FBXO36: variants seen among roughly 807,000 people sequenced by gnomAD.
The protein encoded by FBXO36 is F-box only protein 36.
In FBXO36, 18 loss-of-function variants were observed where a neutral mutation model predicts 17.0. The observed-to-expected ratio is 1.06, with a 90% confidence interval of 0.73 to 1.57. The LOEUF is 1.57. Ranked by LOEUF, FBXO36 falls within the 40% of genes most tolerant of loss-of-function variation. The pLI, the probability that FBXO36 is intolerant of heterozygous loss-of-function variation, is 0.00. For missense variants in FBXO36, 229 were observed against 221.9 expected (o/e 1.03, Z -0.20); for synonymous variants, 83 against 85.3 (o/e 0.97, Z 0.15).
At chr2:229,952,972 C>T (rs535236237) in intron 1 of FBXO36, among the ~76,000 whole-genome samples, 4 of 151,630 alleles carry the variant, frequency 2.6e-5, no homozygotes, top group African/African-American at 7.2e-5. Flanking sequence ...AACATTTTCT[C>T]GGGTTGGGAT....
chr2:229,954,542 C>CTTTTTT (rs1176794800), intron 1 of FBXO36, among the ~76,000 whole-genome samples: 4 of 78,802 alleles, frequency 5.1e-5, no homozygotes, highest in Non-Finnish European at 5.0e-5. Flanking sequence ...TGCACCCGGC[C>CTTTTTT]TTTTTTTTTT....
intron 2 of FBXO36, among the ~76,000 whole-genome samples, chr2:229,985,843 G>T (rs542786469): frequency 6.6e-6 from 1 of 152,044 alleles, no homozygotes; most frequent in Non-Finnish European, 1.5e-5. Context: ...GAGCCCAGGG[G>T]TTCAAGACCA....
At chr2:229,933,405 T>TACAC (rs554448744) in intron 1 of FBXO36, among the ~76,000 whole-genome samples, 2 of 151,964 alleles carry the variant, frequency 1.3e-5, no homozygotes, top group African/African-American at 4.8e-5. Context: ...CTCTCTCATA[T>TACAC]ACACACACAC....
intron 1 of FBXO36, among the ~76,000 whole-genome samples, chr2:229,946,319 A>G (rs2077027063): frequency 2.0e-5 from 3 of 152,184 alleles, no homozygotes; most frequent in Admixed American, 1.3e-4. Flanking sequence ...TGTCACCTCT[A>G]TCCTTCATTC....
intron 2 of FBXO36, among the ~76,000 whole-genome samples, chr2:229,987,676 G>T (rs1256203786): frequency 1.3e-5 from 2 of 151,638 alleles, no homozygotes; most frequent in African/African-American, 4.8e-5. Flanking sequence ...TGTCATCCAG[G>T]CTGGAGTGCA....
intron 2 of FBXO36, among the ~76,000 whole-genome samples, chr2:229,983,896 C>T (rs2077253723): frequency 6.6e-6 from 1 of 152,108 alleles, no homozygotes; most frequent in South Asian, 2.1e-4. Flanking sequence ...ATTTGCCTGG[C>T]ACATAATAAG....
At chr2:229,985,891 TA>T (rs1163265041) in intron 2 of FBXO36, among the ~76,000 whole-genome samples, 4 of 151,470 alleles carry the variant, frequency 2.6e-5, no homozygotes. Flanking sequence ...TATACAAAAT[TA>T]AAAAAATTAG....
intron 1 of FBXO36, among the ~76,000 whole-genome samples, chr2:229,948,134 CAA>C (rs879538129): frequency 4.3e-5 from 5 of 117,356 alleles, no homozygotes; most frequent in Non-Finnish European, 5.5e-5. Context: ...CCTTTCTCTA[CAA>C]AAAAAAAAAA....
At chr2:229,989,580 G>A (rs1057514061) in intron 2 of FBXO36, among the ~76,000 whole-genome samples, 1 of 149,164 alleles carries the variant, frequency 6.7e-6, no homozygotes, top group African/African-American at 2.5e-5. Flanking sequence ...TTTGTTGTTT[G>A]TTTCAGAGTC....
chr2:229,996,429 T>G (rs1320954272), intron 2 of FBXO36, among the ~76,000 whole-genome samples: 2 of 152,112 alleles, frequency 1.3e-5, no homozygotes, highest in African/African-American at 4.8e-5. Flanking sequence ...ATGAGTACAA[T>G]GGTAATGCCA....
intron 1 of FBXO36, among the ~76,000 whole-genome samples, chr2:229,974,043 C>T (rs928145376): frequency 3.3e-5 from 5 of 152,052 alleles, no homozygotes; most frequent in Non-Finnish European, 7.4e-5. Flanking sequence ...GAACAAGACC[C>T]CGTTTCAAAA....
intron 1 of FBXO36, among the ~76,000 whole-genome samples, chr2:229,939,597 C>A (rs754141759): frequency 6.6e-6 from 1 of 151,660 alleles, no homozygotes; most frequent in Non-Finnish European, 1.5e-5. Context: ...GGTGACAGAG[C>A]GCGATTCTGC....
intron 3 of FBXO36, among the ~76,000 whole-genome samples, chr2:230,008,592 G>T (rs376697091): frequency 3.9e-5 from 6 of 152,130 alleles, no homozygotes; most frequent in African/African-American, 1.4e-4. Flanking sequence ...TAGCTCTTTT[G>T]AGAATTATTT....
At chr2:229,940,290 T>C (rs2076991489) in intron 1 of FBXO36, among the ~76,000 whole-genome samples, 1 of 152,014 alleles carries the variant, frequency 6.6e-6, no homozygotes, top group African/African-American at 2.4e-5. Flanking sequence ...TTTTGGAGGG[T>C]GGTTGGTAAC....
chr2:229,958,432 G>A (rs980998025), intron 1 of FBXO36, among the ~76,000 whole-genome samples: 8 of 151,746 alleles, frequency 5.3e-5, no homozygotes, highest in Non-Finnish European at 7.4e-5. Context: ...CACGGCGCCC[G>A]GCTAATTTTT....
At chr2:229,980,589 G>T (rs551402799) in intron 2 of FBXO36, among the ~76,000 whole-genome samples, 10 of 151,920 alleles carry the variant, frequency 6.6e-5, no homozygotes, top group Non-Finnish European at 1.3e-4. Flanking sequence ...TCCAAGCCCT[G>T]CCCTTGATAA....
intron 3 of FBXO36, among the ~76,000 whole-genome samples, chr2:230,008,059 G>A (rs1210337126): frequency 6.6e-6 from 1 of 152,148 alleles, no homozygotes; most frequent in Non-Finnish European, 1.5e-5. Context: ...TCGATATTAA[G>A]GTTGTACAGA....
chr2:229,995,686 G>A (rs1175345015), intron 2 of FBXO36, among the ~76,000 whole-genome samples: 2 of 142,960 alleles, frequency 1.4e-5, no homozygotes, highest in Non-Finnish European at 3.0e-5. Context: ...TCCGCCTCCC[G>A]GGTTCAAGCA....
Position 230,011,406 on chromosome 2 carries a change from G to A in FBXO36, c.*522G>A, listed in dbSNP as rs1483270002. ...TGCCTTCCCAACTTTGTTCTGCTAA[G>A]TCCATATTCAGGGCCCTATCCTTGT... On this transcript the variant is annotated 3_prime_UTR_variant, in exon 4 of 4. Coordinates refer to ENST00000283946, the MANE Select transcript of FBXO36 (RefSeq NM_174899.5). 6.5e-6 allele frequency: 1 copy of A among 152,694 alleles called. No homozygotes were observed. The highest frequency in any genetic ancestry group is 1.9e-4 in the East Asian group (1 of 5,192). The allele number at this position is 152,694 out of a possible 1,614,324, so 9.5% of individuals were successfully genotyped here. A position where few individuals can be genotyped will look rare whatever the true frequency, so the allele number is the denominator to read the frequency against.
Sources: allele counts gnomAD v4.1 joint callset (sites outside exome capture counted in the v4.1 genomes callset), GRCh38; gene constraint gnomAD v4.1.1; transcripts MANE v1.5; gene names NCBI Gene and HGNC (gene_info 2026-07-23, HGNC 2026-07-21).